PCDH7: variants seen among roughly 807,000 people sequenced by gnomAD.
PCDH7 encodes the protein protocadherin-7.
A neutral mutation model predicts 58.9 loss-of-function variants in PCDH7; 17 were observed. The ratio of observed to expected loss-of-function variants is 0.29; its 90% CI spans 0.20 to 0.43. PCDH7 has a LOEUF of 0.43. Ranked by LOEUF, PCDH7 falls within the 20% of genes least tolerant of loss-of-function variation. The probability of loss-of-function intolerance (pLI) is 1.00; values close to 1 mark genes in which losing one functional copy is unlikely to be tolerated. For missense variants in PCDH7, 1,274 were observed against 1,441.0 expected, an observed-to-expected ratio of 0.88 and a Z score of 1.88; for synonymous variants, 664 against 616.4, an observed-to-expected ratio of 1.08 and a Z score of -1.14.
chr4:31,123,860 CA>C (rs1717976022), intron 3 of PCDH7, among the ~76,000 whole-genome samples: 1 of 152,070 alleles, frequency 6.6e-6, no homozygotes, highest in Admixed American at 6.5e-5. Context: ...GAGAGGAGGA[CA>C]AACTCCTCTC....
At chr4:31,023,317 C>T (rs769215501) in intron 3 of PCDH7, among the ~76,000 whole-genome samples, 14 of 152,162 alleles carry the variant, frequency 9.2e-5, no homozygotes, top group Non-Finnish European at 1.8e-4. Context: ...GACTATGACA[C>T]TCAGATGAGG....
intron 3 of PCDH7, among the ~76,000 whole-genome samples, chr4:31,053,551 A>G (rs1407305997): frequency 6.6e-6 from 1 of 152,180 alleles, no homozygotes; most frequent in African/African-American, 2.4e-5. Context: ...CCTGGCCAAC[A>G]CAGTGAGATC....
rs183836621 is a variant in PCDH7 at position 30,762,611 on chromosome 4, T to G, written c.70+38015T>G. 1.1e-4 allele frequency among the ~76,000 whole-genome samples: 17 copies of G among 152,316 alleles called. No homozygotes were observed. In the East Asian group the frequency reaches 2.3e-3, roughly 21 times the overall value. On this transcript the variant is annotated intron_variant, in intron 1 of 3. Coordinates refer to the PCDH7 transcript ENST00000509759. ...TGAAGATCGATTGAAGCTATTAAAT[T>G]AAAATAGTTTACCCCTTGAGGATTT... is the stretch of plus-strand genomic sequence containing the variant.
At chr4:31,005,143 T>C (rs1003689264) in intron 3 of PCDH7, among the ~76,000 whole-genome samples, 1 of 152,180 alleles carries the variant, frequency 6.6e-6, no homozygotes, top group Admixed American at 6.5e-5. Context: ...GTTTATCTTG[T>C]AAAAGTGCTG....
chr4:30,843,831 A>T (rs189360622), intron 1 of PCDH7, among the ~76,000 whole-genome samples: 8 of 152,220 alleles, frequency 5.3e-5, no homozygotes, highest in African/African-American at 1.9e-4. Flanking sequence ...GACATAAATG[A>T]CTTCACTGTG....
At chr4:31,024,464 G>A (rs934029185) in intron 3 of PCDH7, among the ~76,000 whole-genome samples, 2 of 151,880 alleles carry the variant, frequency 1.3e-5, no homozygotes, top group East Asian at 1.9e-4. Flanking sequence ...TTCTATTTAC[G>A]AAATACAGAA....
intron 3 of PCDH7, among the ~76,000 whole-genome samples, chr4:31,064,277 A>G (rs1189848168): frequency 6.6e-6 from 1 of 151,926 alleles, no homozygotes; most frequent in Non-Finnish European, 1.5e-5. Flanking sequence ...GAAAAAAGTC[A>G]CCTTTACTCC....
rs144476067 is a variant in PCDH7, at chr4:30,923,894, G to T, written c.287+3525G>T. Among the ~76,000 whole-genome samples, 10 of 152,232 alleles carry T rather than the reference G, an allele frequency of 6.6e-5. No homozygotes were observed. In the East Asian group the frequency reaches 1.9e-3, roughly 29 times the overall value. ...AAGTAATAATTCATATAGAGTTTAT[G>T]GGGGAAATAGGTAATACAAACATTT... On this transcript the variant is annotated intron_variant, in intron 2 of 3. Transcript: ENST00000509759.
At chr4:31,100,581 G>A (rs1185047500) in intron 3 of PCDH7, among the ~76,000 whole-genome samples, 1 of 152,156 alleles carries the variant, frequency 6.6e-6, no homozygotes, top group African/African-American at 2.4e-5. Context: ...CAGTATCTTA[G>A]GAACAATCTG....
chr4:30,920,547 A>T (rs1183799604), intron 2 of PCDH7, among the ~76,000 whole-genome samples, 178 bp downstream of exon 2: 1 of 152,210 alleles, frequency 6.6e-6, no homozygotes, highest in East Asian at 1.9e-4. Context: ...CTCTGTAGAT[A>T]AAATTCACCC....
chr4:31,125,573 C>T (rs542115651), intron 3 of PCDH7, among the ~76,000 whole-genome samples: 5 of 152,240 alleles, frequency 3.3e-5, no homozygotes, highest in South Asian at 2.1e-4. Flanking sequence ...CTGTAGAAAA[C>T]GCAGTTCAAT....
At chr4:31,070,193 T>C (rs1305233322) in intron 3 of PCDH7, among the ~76,000 whole-genome samples, 1 of 152,068 alleles carries the variant, frequency 6.6e-6, no homozygotes, top group Non-Finnish European at 1.5e-5. Context: ...AATAAATTCT[T>C]CATATTTCCA....
At chr4:31,079,746 G>C (rs1327495915) in intron 3 of PCDH7, among the ~76,000 whole-genome samples, 1 of 151,884 alleles carries the variant, frequency 6.6e-6, no homozygotes, top group Admixed American at 6.6e-5. Flanking sequence ...CATGTTCAAC[G>C]GTGTTAACTG....
Position 30,728,656 on chromosome 4 carries a change from A to G in PCDH7, c.3175-2097A>G, listed in dbSNP as rs142095886. Reference sequence around the variant, plus strand: ...AATTTGCAAATTTATATGGAAGTCCACATGATTATTTGAATCTTATCCAAA... The same window carrying G: ...AATTTGCAAATTTATATGGAAGTCCGCATGATTATTTGAATCTTATCCAAA... On this transcript the variant is annotated intron_variant, in intron 1 of 1. Transcript: ENST00000361762. Among the ~76,000 whole-genome samples the G allele has an allele frequency of 5.3e-3, 799 of 151,976 alleles. 6 individuals carry two copies. The highest frequency in any genetic ancestry group is 8.5e-3 in the Non-Finnish European group (573 of 67,790).
intron 1 of PCDH7, among the ~76,000 whole-genome samples, chr4:30,844,586 A>G (rs190723992): frequency 1.6e-4 from 25 of 152,308 alleles, no homozygotes; most frequent in African/African-American, 5.3e-4. Flanking sequence ...GGTGGTTAGA[A>G]AAAATTTATG....
At chr4:30,858,825 G>A (rs906216667) in intron 1 of PCDH7, among the ~76,000 whole-genome samples, 2 of 151,878 alleles carry the variant, frequency 1.3e-5, no homozygotes, top group African/African-American at 4.8e-5. Flanking sequence ...AAACTTAAGT[G>A]TGTCCTGTGT....
chr4:30,819,537 C>T (rs1049064052), intron 1 of PCDH7, among the ~76,000 whole-genome samples: 12 of 152,212 alleles, frequency 7.9e-5, no homozygotes, highest in Middle Eastern at 3.4e-3. Flanking sequence ...AAATAGACTT[C>T]GTTGCCGTTT....
intron 1 of PCDH7, among the ~76,000 whole-genome samples, chr4:30,834,563 G>C (rs1730228105): frequency 6.6e-6 from 1 of 151,850 alleles, no homozygotes; most frequent in African/African-American, 2.4e-5. Context: ...CACACTGTCT[G>C]GTACATGGTT....
At chr4:30,779,684 C>G (rs1456969824) in intron 1 of PCDH7, among the ~76,000 whole-genome samples, 4 of 152,170 alleles carry the variant, frequency 2.6e-5, no homozygotes, top group Non-Finnish European at 5.9e-5. Context: ...TTTACAAATT[C>G]AAGTCTCAAT....
Sources: gnomAD v4.1 joint callset for allele counts (sites outside exome capture counted in the v4.1 genomes callset) on GRCh38, gnomAD v4.1.1 for gene constraint, MANE v1.5 for transcripts, NCBI Gene and HGNC (gene_info 2026-07-23, HGNC 2026-07-21) for gene names.